USP10: variants seen among roughly 807,000 people sequenced by gnomAD.
USP10 encodes the protein ubiquitin specific peptidase 10, also known as ubiquitin carboxyl-terminal hydrolase 10.
USP10 carries 22 observed loss-of-function variants against 84.5 expected under a neutral mutation model. The observed-to-expected ratio is 0.26, with a 90% CI of 0.19 to 0.37. The LOEUF is 0.37. Among genes scored for constraint, USP10 ranks in the 10% least tolerant of loss-of-function variants. The probability of loss-of-function intolerance (pLI) is 1.00; values close to 1 mark genes in which losing one functional copy is unlikely to be tolerated. For synonymous variants in USP10, 454 were observed against 387.6 expected, an observed-to-expected ratio of 1.17 and a Z score of -2.01; for missense variants, 1,019 against 998.9, an observed-to-expected ratio of 1.02 and a Z score of -0.27.
At chr16:84,732,946 G>C in intron 1 of USP10, 1 of 383,312 alleles carries the variant, frequency 2.6e-6, no homozygotes, top group Non-Finnish European at 5.1e-6. Flanking sequence ...TTTAAACTAA[G>C]AAGTTATATA....
intron 3 of USP10, among the ~76,000 whole-genome samples, chr16:84,742,523 C>A (rs181440976): frequency 7.9e-5 from 12 of 152,352 alleles, no homozygotes; most frequent in South Asian, 2.1e-4. Flanking sequence ...ACTGCATGTA[C>A]TGCAGTGAGC....
rs369804105 is a variant in USP10, at chr16:84,710,169, C to T, written c.21+10058C>T. 6.6e-5 allele frequency among the ~76,000 whole-genome samples: 10 copies of T among 151,584 alleles called. 1 individual carries two copies. Among genetic ancestry groups the T allele is most frequent in the Admixed American group, 5.3e-4 (8 of 15,182 alleles). ...TCTGTAATCCCAGCTACTTGAGAGG[C>T]TTAGGCAAGAGAATCGCTTGAACCC... On this transcript the variant is annotated intron_variant, in intron 1 of 13. Coordinates refer to ENST00000219473, the MANE Select transcript of USP10 (RefSeq NM_005153.3).
chr16:84,740,846 C>T (rs7498516), intron 3 of USP10, among the ~76,000 whole-genome samples: 26,097 of 152,274 alleles, frequency 0.17, 2,577 homozygotes, highest in Middle Eastern at 0.31. Flanking sequence ...AACTCTTCAC[C>T]TCCTGGTCTG....
chr16:84,770,627 C>G (rs774805488), intron 11 of USP10, among the ~76,000 whole-genome samples: 32 of 151,342 alleles, frequency 2.1e-4, no homozygotes, highest in Middle Eastern at 3.4e-3. Context: ...AAAAAGTTAG[C>G]CGGGCATGGT....
intron 7 of USP10, 41 bp downstream of exon 7, chr16:84,759,987 G>C: frequency 1.2e-6 from 2 of 1,605,622 alleles, no homozygotes; most frequent in Non-Finnish European, 1.7e-6. Context: ...TACATATTGG[G>C]AGTTATGGAG....
At chr16:84,743,121 G>A (rs1414992666) in intron 3 of USP10, among the ~76,000 whole-genome samples, 1 of 152,176 alleles carries the variant, frequency 6.6e-6, no homozygotes, top group East Asian at 1.9e-4. Context: ...TGAACAGCCA[G>A]CCCCTACATA....
chr16:84,767,769 T>A (rs1205234640), intron 10 of USP10, among the ~76,000 whole-genome samples: 4 of 147,132 alleles, frequency 2.7e-5, no homozygotes, highest in Admixed American at 2.0e-4. Flanking sequence ...TCAGCAGAAT[T>A]ATTATTATTT....
intron 3 of USP10, among the ~76,000 whole-genome samples, chr16:84,741,484 GC>G (rs1371886996): frequency 6.6e-6 from 1 of 152,184 alleles, no homozygotes; most frequent in Non-Finnish European, 1.5e-5. Context: ...GCTTACAAAT[GC>G]CCCATGATGT....
At chr16:84,723,281 G>T (rs1023180389) in intron 1 of USP10, among the ~76,000 whole-genome samples, 3 of 151,978 alleles carry the variant, frequency 2.0e-5, no homozygotes, top group African/African-American at 7.3e-5. Flanking sequence ...TTCCTTTAAA[G>T]TGTTCTGTGA....
chr16:84,721,439 G>C (rs1567599769), intron 1 of USP10, among the ~76,000 whole-genome samples: 1 of 152,174 alleles, frequency 6.6e-6, no homozygotes, highest in East Asian at 1.9e-4. Context: ...GCTTTACATA[G>C]ATTGTGCATA....
At chr16:84,721,030 A>C (rs1907738388) in intron 1 of USP10, among the ~76,000 whole-genome samples, 1 of 150,944 alleles carries the variant, frequency 6.6e-6, no homozygotes, top group African/African-American at 2.4e-5. Flanking sequence ...AGTAGCCGGG[A>C]GTACAGGTGC....
intron 13 of USP10, among the ~76,000 whole-genome samples, chr16:84,776,789 C>A (rs1362217914): frequency 1.3e-5 from 2 of 152,188 alleles, no homozygotes; most frequent in Non-Finnish European, 2.9e-5. Flanking sequence ...GTTGCTCTCC[C>A]CTGCCCTCCT....
At chr16:84,733,285 C>G in intron 1 of USP10, 150 bp from the exon 2 acceptor site, 1 of 633,450 alleles carries the variant, frequency 1.6e-6, no homozygotes, top group South Asian at 1.9e-5. Flanking sequence ...ACCTAGAACT[C>G]TGAGTTGCAG....
Position 84,779,089 on chromosome 16 carries a change from T to C in USP10, c.*7T>C. Reference sequence around the variant, plus strand: ...CCGAGTGGACCTGCTGTAAACCCTGTGTGCGCTGTGTGTGCGCCCAGTGCC... The same window carrying C: ...CCGAGTGGACCTGCTGTAAACCCTGCGTGCGCTGTGTGTGCGCCCAGTGCC... On this transcript the variant is annotated 3_prime_UTR_variant, in exon 14 of 14. Transcript: ENST00000219473. The C allele has an allele frequency of 6.2e-7, 1 of 1,608,838 alleles. No homozygotes were observed. The highest frequency in any genetic ancestry group is 1.7e-5 in the Admixed American group (1 of 59,908).
chr16:84,737,528 T>G (rs1340800197), intron 2 of USP10, among the ~76,000 whole-genome samples: 2 of 152,184 alleles, frequency 1.3e-5, no homozygotes, highest in Non-Finnish European at 2.9e-5. Flanking sequence ...CACACACATT[T>G]CCACAGTGCC....
In USP10 at chr16:84,751,149, C is replaced by T. The variant is rs144639584; in HGVS notation, c.1192+5476C>T. 3.9e-5 allele frequency among the ~76,000 whole-genome samples: 6 copies of T among 152,282 alleles called. No homozygotes were observed. In the East Asian group the frequency reaches 5.8e-4, roughly 15 times the overall value. On this transcript the variant is annotated intron_variant, in intron 4 of 13. Coordinates refer to ENST00000219473, the MANE Select transcript of USP10 (RefSeq NM_005153.3). Reference sequence around the variant, plus strand: ...CAGTGAGTTGTGTTACAGTTGCCTACGGTATTCAGTACACAACATGCTGTA... The same window carrying T: ...CAGTGAGTTGTGTTACAGTTGCCTATGGTATTCAGTACACAACATGCTGTA...
At chr16:84,765,184 G>A (rs927187913) in intron 10 of USP10, among the ~76,000 whole-genome samples, 1 of 151,578 alleles carries the variant, frequency 6.6e-6, no homozygotes, top group Non-Finnish European at 1.5e-5. Flanking sequence ...ATACACAGAT[G>A]TTATGAAATA....
At chr16:84,765,963 T>C (rs1358768419) in intron 10 of USP10, among the ~76,000 whole-genome samples, 3 of 152,200 alleles carry the variant, frequency 2.0e-5, no homozygotes, top group African/African-American at 7.2e-5. Flanking sequence ...CCATCGAAAG[T>C]ACTGAAGAGG....
chr16:84,750,227 G>A (rs1003144078), intron 4 of USP10, among the ~76,000 whole-genome samples: 7 of 152,004 alleles, frequency 4.6e-5, no homozygotes, highest in African/African-American at 1.7e-4. Context: ...GGCCAACATA[G>A]GGAAATCCCA....
Sources: gnomAD v4.1 joint callset for allele counts (sites outside exome capture counted in the v4.1 genomes callset) on GRCh38, gnomAD v4.1.1 for gene constraint, MANE v1.5 for transcripts, NCBI Gene and HGNC (gene_info 2026-07-23, HGNC 2026-07-21) for gene names.